Variants in PTPRN2 observed in about 807,000 individuals in gnomAD.
PTPRN2 encodes the protein protein tyrosine phosphatase receptor type N2, also known as receptor-type tyrosine-protein phosphatase N2.
PTPRN2 carries 74 observed loss-of-function variants against 118.8 expected under a neutral mutation model. The ratio of observed to expected loss-of-function variants is 0.62; its 90% CI spans 0.52 to 0.76. The LOEUF is 0.76. PTPRN2 is among the 30% of genes least tolerant of loss of function. The pLI, the probability that PTPRN2 is intolerant of heterozygous loss-of-function variation, is 0.00. For synonymous variants in PTPRN2, 641 were observed against 608.0 expected (o/e 1.05, Z -0.80); for missense variants, 1,481 against 1,394.4 (o/e 1.06, Z -0.99).
chr7:158,062,325 C>T (rs564633458), intron 11 of PTPRN2, among the ~76,000 whole-genome samples: 1 of 152,370 alleles, frequency 6.6e-6, no homozygotes, highest in African/African-American at 2.4e-5. Context: ...GGCTGTATTC[C>T]TGCTGTTACA....
intron 13 of PTPRN2, among the ~76,000 whole-genome samples, chr7:157,679,264 T>G (rs527979866): frequency 6.6e-6 from 1 of 152,172 alleles, no homozygotes; most frequent in Non-Finnish European, 1.5e-5. Context: ...ACTAAAACAA[T>G]GGGGAGAAGT....
chr7:158,214,791 T>C (rs1827847047), intron 3 of PTPRN2, among the ~76,000 whole-genome samples: 1 of 151,928 alleles, frequency 6.6e-6, no homozygotes, highest in Non-Finnish European at 1.5e-5. Flanking sequence ...CACCTTCAGG[T>C]ATCAACAGAG....
At chr7:157,936,029 A>AG (rs1327637162) in intron 11 of PTPRN2, among the ~76,000 whole-genome samples, 1 of 151,804 alleles carries the variant, frequency 6.6e-6, no homozygotes, top group Non-Finnish European at 1.5e-5. Flanking sequence ...TCGCTCCCTC[A>AG]GGGGGGTCTA....
chr7:158,040,304 T>C (rs1353041325), intron 11 of PTPRN2, among the ~76,000 whole-genome samples: 1 of 150,902 alleles, frequency 6.6e-6, no homozygotes, highest in Non-Finnish European at 1.5e-5. Context: ...CACACACAAA[T>C]TCACACTCAC....
intron 6 of PTPRN2, among the ~76,000 whole-genome samples, chr7:158,146,919 A>T (rs1198626345): frequency 6.6e-6 from 1 of 151,630 alleles, no homozygotes; most frequent in African/African-American, 2.4e-5. Context: ...AGACTGAATG[A>T]CACCCCATCT....
chr7:157,704,845 C>G (rs1798248023), intron 12 of PTPRN2, among the ~76,000 whole-genome samples: 1 of 152,178 alleles, frequency 6.6e-6, no homozygotes, highest in African/African-American at 2.4e-5. Flanking sequence ...TTCATAAGCC[C>G]CAGAGTGTGT....
rs1296206075 is a variant in PTPRN2, at chr7:158,570,527, C to T, written c.112+17031G>A. On this transcript the variant is annotated intron_variant, in intron 1 of 22. Coordinates refer to ENST00000389418, the MANE Select transcript of PTPRN2 (RefSeq NM_002847.5). This position sits in a 1 kb window ranked among gnomAD's most constrained non-coding sequence, Gnocchi z 4.5. ...TGACGCGTCTCCCCGTGGTGGGTCC[C>T]GATCCCCCGGCCGGCTCTGCCACTG... Among the ~76,000 whole-genome samples, 1 of 152,132 alleles carries T rather than the reference C, an allele frequency of 6.6e-6. No homozygotes were observed. The highest frequency in any genetic ancestry group is 1.5e-5 in the Non-Finnish European group (1 of 68,026).
chr7:158,033,915 G>A (rs538665272), intron 11 of PTPRN2, among the ~76,000 whole-genome samples: 1 of 150,120 alleles, frequency 6.7e-6, no homozygotes, highest in African/African-American at 2.5e-5. Context: ...TCTGCATGCT[G>A]AGGCCCAGGT....
chr7:158,278,339 C>T (rs1482670734), intron 3 of PTPRN2, among the ~76,000 whole-genome samples: 2 of 104,320 alleles, frequency 1.9e-5, no homozygotes, highest in African/African-American at 6.5e-5. Context: ...CCCGTCTCTA[C>T]TAAAATACAA....
chr7:157,957,318 A>G (rs1438527309), intron 11 of PTPRN2, among the ~76,000 whole-genome samples: 1 of 152,174 alleles, frequency 6.6e-6, no homozygotes, highest in African/African-American at 2.4e-5. Context: ...TATTTTTGGC[A>G]TCTAGGACTT....
At chr7:158,505,225 T>C (rs1414988086) in intron 1 of PTPRN2, among the ~76,000 whole-genome samples, 1 of 151,860 alleles carries the variant, frequency 6.6e-6, no homozygotes, top group Non-Finnish European at 1.5e-5. Context: ...ATAAATGAAA[T>C]AAAATAATAT....
At chr7:157,965,189 C>T (rs1044888565) in intron 11 of PTPRN2, among the ~76,000 whole-genome samples, 3 of 152,168 alleles carry the variant, frequency 2.0e-5, no homozygotes, top group Non-Finnish European at 4.4e-5. Flanking sequence ...GTGCTAAATA[C>T]TTAGTTTTTG....
chr7:157,896,990 A>C (rs1797168102), intron 12 of PTPRN2, among the ~76,000 whole-genome samples: 3 of 141,544 alleles, frequency 2.1e-5, no homozygotes, highest in African/African-American at 5.4e-5. Flanking sequence ...CACAGGACCC[A>C]CCTCCCCACC....
At chr7:158,137,156 C>T (rs568179464) in intron 7 of PTPRN2, among the ~76,000 whole-genome samples, 6 of 152,260 alleles carry the variant, frequency 3.9e-5, no homozygotes, top group African/African-American at 1.2e-4. Context: ...CGGTGGCTCA[C>T]GCCTGTAATC....
At position 158,007,778 on chromosome 7, in the gene PTPRN2, GTGTGGCTGTGTGTGGGTGGGTGTGCTGTA is replaced by G. The variant is rs1429325433; in HGVS notation, c.1723+73491_1723+73519del. On this transcript the variant is annotated intron_variant, in intron 11 of 22. Coordinates refer to ENST00000389418, the MANE Select transcript of PTPRN2 (RefSeq NM_002847.5). Reference sequence around the variant, plus strand: ...TGTGCTATGTGTGAGGGTGTGCTGTGTGTGGCTGTGTGTGGGTGGGTGTGCTGTATGTGTGTGGGTATATACATGTGGGG... The same window carrying G: ...TGTGCTATGTGTGAGGGTGTGCTGTGTGTGTGTGGGTATATACATGTGGGG... 1.4e-4 allele frequency among the ~76,000 whole-genome samples: 21 copies of G among 150,570 alleles called. No individual in the cohort carries two copies. The South Asian group carries it at 4.0e-3, about 29-fold the overall frequency.
intron 11 of PTPRN2, among the ~76,000 whole-genome samples, chr7:157,981,343 CA>C (rs1803130595): frequency 1.3e-5 from 2 of 148,982 alleles, no homozygotes; most frequent in African/African-American, 2.6e-5. Context: ...CCTGCTATTC[CA>C]GGACAGGTGA....
intron 3 of PTPRN2, among the ~76,000 whole-genome samples, chr7:158,287,137 G>C (rs1227458777): frequency 6.6e-6 from 1 of 152,042 alleles, no homozygotes; most frequent in Non-Finnish European, 1.5e-5. Context: ...GCATATAATT[G>C]TTCATAGTCT....
chr7:157,665,474 G>A lies in PTPRN2; in HGVS notation c.2002-8923C>T, dbSNP rs368329345. On this transcript the variant is annotated intron_variant, in intron 13 of 22. Coordinates refer to ENST00000389418, the MANE Select transcript of PTPRN2 (RefSeq NM_002847.5). ...CTTGCGAATTCCCTCCCCACTCTGA[G>A]GAGCTGGACGGAGGCTCCATCCCAC... Among the ~76,000 whole-genome samples, 12 of 152,358 alleles carry A rather than the reference G, an allele frequency of 7.9e-5. No individual in the cohort carries two copies. The East Asian group carries it at 2.1e-3, about 27-fold the overall frequency.
chr7:157,896,862 G>T (rs1039912506), intron 12 of PTPRN2, among the ~76,000 whole-genome samples: 1 of 152,126 alleles, frequency 6.6e-6, no homozygotes, highest in Non-Finnish European at 1.5e-5. Flanking sequence ...AATGAGGAAG[G>T]TGTGTCTGGA....
Sources: gnomAD v4.1 joint callset for allele counts (sites outside exome capture counted in the v4.1 genomes callset) on GRCh38, gnomAD v4.1.1 for gene constraint, Gnocchi (gnomAD v3.1) non-coding constraint, MANE v1.5 for transcripts, NCBI Gene and HGNC (gene_info 2026-07-23, HGNC 2026-07-21) for gene names.